Variants in MUC5AC observed in about 807,000 individuals in gnomAD.
MUC5AC encodes mucin-5AC.
In MUC5AC, 158 loss-of-function variants were observed where a neutral mutation model predicts 169.7. That is an observed-to-expected ratio of 0.93 (90% CI 0.82 to 1.06). MUC5AC has a LOEUF of 1.06. Ranked by LOEUF, MUC5AC falls within the 50% of genes least tolerant of loss-of-function variation. The pLI is 0.00. For synonymous variants in MUC5AC, 1,975 were observed against 1,237.0 expected (o/e 1.60, Z -12.52); for missense variants, 4,359 against 3,089.9 (o/e 1.41, Z -9.74).
Position 1,197,922 on chromosome 11 carries a change from C to A in MUC5AC, c.16053C>A (p.Cys5351Ter). 1.4e-6 allele frequency: 1 copy of A among 730,164 alleles called. No individual in the cohort carries two copies. The allele number at this position is 730,164 out of a possible 1,614,324, so 45.2% of individuals were successfully genotyped here. A position where few individuals can be genotyped will look rare whatever the true frequency, so the allele number is the denominator to read the frequency against. ...CCGCAGCCTGCAACACCAGCCGCTGCCCCGCGCCCGTGGGCTGTCCTGAGG... is the reference window on the plus strand; with the variant it reads ...CCGCAGCCTGCAACACCAGCCGCTGACCCGCGCCCGTGGGCTGTCCTGAGG... The part of the protein sequence containing the change: ...QYSCACNTSR[C>*]PAPVGCPEGA... The change falls in exon 42 of 49, where the codon TGC becomes TGA. Residue 5351 changes from cysteine to a stop codon, truncating the protein, a stop_gained. Coordinates refer to ENST00000621226, the MANE Select transcript of MUC5AC (RefSeq NM_001304359.2). LOFTEE classifies it high-confidence loss of function.
rs1224702404 is a variant in MUC5AC, at chr11:1,188,329, C to A, written c.10184C>A (p.Thr3395Lys). Residue 3395 changes from threonine (T) to lysine (K), a missense_variant, in exon 31 of 49, where the codon ACA (threonine) becomes AAA (lysine). Thr to Lys is a moderately conservative substitution (Grantham distance 78). Coordinates refer to ENST00000621226, the MANE Select transcript of MUC5AC (RefSeq NM_001304359.2). ...APTTSTTSAPTTSTTSTPQTS... is the reference protein window; with the variant it reads ...APTTSTTSAPKTSTTSTPQTS... ...ACAACCAGCACAACTTCTGCCCCTACAACCAGCACAACCTCCACTCCACAG... is the reference window on the plus strand; with the variant it reads ...ACAACCAGCACAACTTCTGCCCCTAAAACCAGCACAACCTCCACTCCACAG... 33 of 670,158 alleles carry A rather than the reference C, an allele frequency of 4.9e-5. No individual in the cohort carries two copies. The African/African-American group carries it at 5.0e-4, about 10-fold the overall frequency. 41.5% of individuals were successfully genotyped at this position (670,158 alleles called of 1,614,324 possible).
chr11:1,161,785 G>A (rs1046716123), intron 3 of MUC5AC, 122 bp from the exon 4 acceptor site: 15 of 1,431,592 alleles, frequency 1.0e-5, no homozygotes, highest in African/African-American at 2.8e-5. Context: ...TGGGTGCCCC[G>A]TCCAGGGCAG....
At chr11:1,161,672 G>A (rs28468624) in intron 3 of MUC5AC, 86 bp downstream of exon 3, 1,104,392 of 1,449,668 alleles carry the variant, frequency 0.76, 427,110 homozygotes, top group Non-Finnish European at 0.8. Flanking sequence ...GGGTGGAGAG[G>A]GGCCCCAGCT....
At chr11:1,200,068 T>A (rs1467289330) in intron 48 of MUC5AC, 99 bp downstream of exon 48, 3 of 625,042 alleles carry the variant, frequency 4.8e-6, no homozygotes, top group Non-Finnish European at 8.5e-6. Flanking sequence ...GGCAGGACCA[T>A]GAGGGGCCAG....
intron 9 of MUC5AC, among the ~76,000 whole-genome samples, chr11:1,164,788 C>T (rs556564489): frequency 6.8e-6 from 1 of 147,784 alleles, no homozygotes; most frequent in East Asian, 2.0e-4. Flanking sequence ...CTGGCTGATG[C>T]CCCTGTCCCG....
chr11:1,188,206 A>G lies in MUC5AC; in HGVS notation c.10061A>G (p.Gln3354Arg). ...TSPTQSTSSW[Q>R]KSRTTTLVTT... ...CCAACTCAGAGCACTTCCTCTTGGC[A>G]GAAATCCAGGACAACCACTTTGGTG... Residue 3354 changes from glutamine to arginine, a missense_variant, in exon 31 of 49, where the codon CAG becomes CGG. Transcript: ENST00000621226. The G allele has an allele frequency of 1.5e-6, 1 of 681,724 alleles. No individual in the cohort carries two copies. The highest frequency in any genetic ancestry group is 2.7e-6 in the Non-Finnish European group (1 of 375,696). 42.2% of individuals were successfully genotyped at this position (681,724 alleles called of 1,614,324 possible). A position where few individuals can be genotyped will look rare whatever the true frequency, so the allele number is the denominator to read the frequency against.
In MUC5AC at chr11:1,187,501, G is replaced by C. The variant is rs1860982400; in HGVS notation, c.9356G>C (p.Gly3119Ala). Residue 3119 changes from glycine (G) to alanine (A), a missense_variant, in exon 31 of 49, where the codon GGT becomes GCT. Coordinates refer to ENST00000621226, the MANE Select transcript of MUC5AC (RefSeq NM_001304359.2). ...TSASTASKTS[G>A]LGTTPSPIPT... ...GCCTCTACAGCCAGCAAAACCTCTG[G>C]TCTTGGAACTACTCCCAGCCCTATT... 2.7e-6 allele frequency: 2 copies of C among 736,004 alleles called. No homozygotes were observed. Among genetic ancestry groups the C allele is most frequent in the Admixed American group, 3.7e-5 (2 of 54,434 alleles). 45.6% of individuals were successfully genotyped at this position (736,004 alleles called of 1,614,324 possible). A position where few individuals can be genotyped will look rare whatever the true frequency, so the allele number is the denominator to read the frequency against.
chr11:1,182,049 C>G, intron 30 of MUC5AC, 106 bp from the exon 31 acceptor site: 1 of 398,306 alleles, frequency 2.5e-6, no homozygotes, highest in East Asian at 3.6e-5. Flanking sequence ...GACAGGAAGA[C>G]AGACCTGCTG....
Position 1,181,166 on chromosome 11 carries a change from C to T in MUC5AC, c.3804C>T (p.Cys1268=), listed in dbSNP as rs2133750774. The T allele has an allele frequency of 2.5e-6, 1 of 398,564 alleles. No homozygotes were observed. Among genetic ancestry groups the T allele is most frequent in the East Asian group, 3.6e-5 (1 of 28,066 alleles). The allele number at this position is 398,564 out of a possible 1,614,324, so 24.7% of individuals were successfully genotyped here. ...TTTGTACGGAGCGCGGCGTGGAGTG[C>T]ACCTACAAAGCTGAGGGTGAGCGGC... The part of the protein sequence containing the change: ...SCLCTERGVE[C]TYKAEACVCT... Residue 1268 remains cysteine, a synonymous_variant, in exon 29 of 49, where the codon TGC becomes TGT. Transcript: ENST00000621226.
Position 1,185,799 on chromosome 11 carries a change from C to A in MUC5AC, c.7654C>A (p.Pro2552Thr). The change falls in exon 31 of 49, where the codon CCT becomes ACT. Residue 2552 changes from proline (P) to threonine (T), a missense_variant. Coordinates refer to ENST00000621226, the MANE Select transcript of MUC5AC (RefSeq NM_001304359.2). ...SAPTTSTTSA[P>T]ISSTTSATTT... is the part of the protein sequence containing the mutation. ...TCCTACAACCAGCACAACCTCTGCC[C>A]CTATAAGCAGCACAACCTCTGCCAC... The A allele has an allele frequency of 2.7e-6, 2 of 738,482 alleles. No homozygotes were observed. The highest frequency in any genetic ancestry group is 2.8e-5 in the South Asian group (2 of 72,024). 45.7% of individuals were successfully genotyped at this position (738,482 alleles called of 1,614,324 possible).
In MUC5AC at chr11:1,196,073, C is replaced by G. The variant is rs778126064; in HGVS notation, c.15637+19C>G. The G allele has an allele frequency of 2.6e-6, 2 of 759,126 alleles. No individual in the cohort carries two copies. The highest frequency in any genetic ancestry group is 1.7e-5 in the Admixed American group (1 of 58,660). The allele number at this position is 759,126 out of a possible 1,614,324, so 47.0% of individuals were successfully genotyped here. The stretch of plus-strand genomic sequence containing the variant: ...ATGTGCCGTGAGTGCCACCACTGTC[C>G]TCAGGGTCCCAAGTCGCTTGTGAGG... On this transcript the variant is annotated intron_variant, in intron 37 of 48. Transcript: ENST00000621226.
rs747675063 is a variant in MUC5AC at position 1,164,151 on chromosome 11, G to A, written c.835G>A (p.Val279Met). ...GCACGGCCAGCTGTTCTCTGGCTGC[G>A]TGGCCCTGGTGGACGTCGGCAGCTA... ...LLHGQLFSGCVALVDVGSYLE... is the reference protein window; with the variant it reads ...LLHGQLFSGCMALVDVGSYLE... Residue 279 changes from valine (V) to methionine (M), a missense_variant, in exon 8 of 49, where the codon GTG (valine) becomes ATG (methionine). Coordinates refer to ENST00000621226, the MANE Select transcript of MUC5AC (RefSeq NM_001304359.2). 3.7e-6 allele frequency: 6 copies of A among 1,612,288 alleles called. No homozygotes were observed. Among genetic ancestry groups the A allele is most frequent in the East Asian group, 4.5e-5 (2 of 44,894 alleles).
Position 1,198,880 on chromosome 11 carries a change from G to A in MUC5AC, c.16180G>A (p.Ala5394Thr), listed in dbSNP as rs1196095591. 4.0e-6 allele frequency: 3 copies of A among 745,458 alleles called. No individual in the cohort carries two copies. The highest frequency in any genetic ancestry group is 2.5e-5 in the East Asian group (1 of 40,054). 46.2% of individuals were successfully genotyped at this position (745,458 alleles called of 1,614,324 possible). A position where few individuals can be genotyped will look rare whatever the true frequency, so the allele number is the denominator to read the frequency against. Residue 5394 changes from alanine to threonine, a missense_variant, in exon 44 of 49, where the codon GCC becomes ACC. Physicochemically the swap from Ala to Thr is moderately conservative, Grantham distance 58. Coordinates refer to ENST00000621226, the MANE Select transcript of MUC5AC (RefSeq NM_001304359.2). ...SINGTLYQPG[A>T]VVSSSLCETC... is the part of the protein sequence containing the mutation. ...CTGCCCTGGCTCTCCCCAGCCCGGCGCCGTGGTCTCCTCGAGCCTGTGCGA... is the reference window on the plus strand; with the variant it reads ...CTGCCCTGGCTCTCCCCAGCCCGGCACCGTGGTCTCCTCGAGCCTGTGCGA...
At position 1,165,669 on chromosome 11, in the gene MUC5AC, G is replaced by T; in HGVS notation, c.1295G>T (p.Gly432Val). 1 of 1,612,456 alleles carries T rather than the reference G, an allele frequency of 6.2e-7. No homozygotes were observed. Among genetic ancestry groups the T allele is most frequent in the Non-Finnish European group, 8.5e-7 (1 of 1,179,772 alleles). Residue 432 changes from glycine (G) to valine (V), a missense_variant, in exon 11 of 49, where the codon GGT becomes GTT. Physicochemically the swap from Gly to Val is moderately radical, Grantham distance 109 (BLOSUM62 -3). Coordinates refer to ENST00000621226, the MANE Select transcript of MUC5AC (RefSeq NM_001304359.2). The part of the protein sequence containing the change: ...RWSCQEVPCP[G>V]TCSVLGGAHF... The stretch of plus-strand genomic sequence containing the variant: ...AGCTGCCAGGAGGTTCCATGCCCGG[G>T]TACCTGCTCTGTGCTTGGAGGTGCC...
At chr11:1,176,853 C>T (rs1246173127) in intron 21 of MUC5AC, 75 bp from the exon 22 acceptor site, 7 of 398,532 alleles carry the variant, frequency 1.8e-5, no homozygotes, top group African/African-American at 1.2e-4. Flanking sequence ...CAGGTCCCCC[C>T]AGGGGTAGGA....
chr11:1,181,126 T>C lies in MUC5AC; in HGVS notation c.3777-13T>C. 5.0e-6 allele frequency: 2 copies of C among 398,488 alleles called. No homozygotes were observed. Among genetic ancestry groups the C allele is most frequent in the Non-Finnish European group, 8.8e-6 (2 of 226,000 alleles). The allele number at this position is 398,488 out of a possible 1,614,324, so 24.7% of individuals were successfully genotyped here. Reference sequence around the variant, plus strand: ...CCCCCACGCATCGGCCTGCCCTTCTTCCTTGTCTCCAGCCTTTGTACGGAG... The same window carrying C: ...CCCCCACGCATCGGCCTGCCCTTCTCCCTTGTCTCCAGCCTTTGTACGGAG... On this transcript the variant is annotated splice_polypyrimidine_tract_variant and intron_variant, in intron 28 of 48. Transcript: ENST00000621226.
chr11:1,178,909 C>T (rs1000186805), intron 25 of MUC5AC, among the ~76,000 whole-genome samples, 183 bp from the exon 26 acceptor site: 31 of 152,272 alleles, frequency 2.0e-4, no homozygotes, highest in African/African-American at 7.2e-4. Flanking sequence ...CAAGGGCTGC[C>T]GAGGAAGCCC....
rs776001111 is a variant in MUC5AC, at chr11:1,164,168, C to T, written c.852C>T (p.Val284=). ...CTGGCTGCGTGGCCCTGGTGGACGT[C>T]GGCAGCTACCTGGAGGCTTGCAGGC... The part of the protein sequence containing the change: ...LFSGCVALVD[V]GSYLEACRQD... Residue 284 remains valine (V), a synonymous_variant, in exon 8 of 49, where the codon GTC becomes GTT. Coordinates refer to ENST00000621226, the MANE Select transcript of MUC5AC (RefSeq NM_001304359.2). 107 of 1,612,346 alleles carry T rather than the reference C, an allele frequency of 6.6e-5. No individual in the cohort carries two copies. In the Middle Eastern group the frequency reaches 1.6e-3, roughly 25 times the overall value.
In MUC5AC at chr11:1,178,532, T is replaced by C; in HGVS notation, c.3176T>C (p.Leu1059Pro). 1 of 1,327,644 alleles carries C rather than the reference T, an allele frequency of 7.5e-7. No individual in the cohort carries two copies. Among genetic ancestry groups the C allele is most frequent in the Admixed American group, 3.2e-5 (1 of 31,070 alleles). The allele number at this position is 1,327,644 out of a possible 1,614,324, so 82.2% of individuals were successfully genotyped here. Residue 1059 changes from leucine to proline, a missense_variant, in exon 25 of 49, where the codon CTG (leucine) becomes CCG (proline). Physicochemically the swap from Leu to Pro is moderately conservative, Grantham distance 98 (BLOSUM62 -3). Transcript: ENST00000621226. ...TRSRSVVGDV[L>P]EFGNSWKLSP... ...AGCCGGTCTGTGGTGGGGGACGTGC[T>C]GGAGTTTGGGAACAGCTGGAAGCTC...
Sources: allele counts gnomAD v4.1 joint callset (sites outside exome capture counted in the v4.1 genomes callset), GRCh38; gene constraint gnomAD v4.1.1; transcripts MANE v1.5; gene names NCBI Gene and HGNC (gene_info 2026-07-23, HGNC 2026-07-21).